IRAK1BP1: variants seen among roughly 807,000 people sequenced by gnomAD.
IRAK1BP1 encodes interleukin 1 receptor associated kinase 1 binding protein 1.
In IRAK1BP1, 24 loss-of-function variants were observed where a neutral mutation model predicts 28.0. The observed-to-expected ratio is 0.86, with a 90% confidence interval of 0.62 to 1.20. IRAK1BP1 has a LOEUF of 1.20. Ranked by LOEUF, IRAK1BP1 falls within the 50% of genes most tolerant of loss-of-function variation. The pLI is 0.00. For missense variants in IRAK1BP1, 336 were observed against 316.7 expected, an observed-to-expected ratio of 1.06 and a Z score of -0.46; for synonymous variants, 131 against 116.3, an observed-to-expected ratio of 1.13 and a Z score of -0.81.
Position 78,869,418 on chromosome 6 carries a change from A to G in IRAK1BP1, c.315+1527A>G, listed in dbSNP as rs142276768. 6.4e-4 allele frequency among the ~76,000 whole-genome samples: 98 copies of G among 152,252 alleles called. 1 individual carries two copies. In the South Asian group the frequency reaches 8.1e-3, roughly 13 times the overall value. ...TCCTGTAATCCCAGCTACTAGGGTG[A>G]CTGAGGCAGGAAAATCTCTTGAATC... On this transcript the variant is annotated intron_variant, in intron 1 of 3. Transcript: ENST00000369940.
At chr6:78,940,552 T>TTTTTA (rs1773442987) in intron 4 of IRAK1BP1, 1 of 164,106 alleles carries the variant, frequency 6.1e-6, no homozygotes. Flanking sequence ...AAGTTTGTTT[T>TTTTTA]TTTTTTTTTT....
Position 78,867,592 on chromosome 6 carries a change from A to AC in IRAK1BP1, c.20dup (p.Pro8SerfsTer13), listed in dbSNP as rs1444888631. Reference sequence around the variant, plus strand: ...TGCCATCGCTATGTCTCTGCAAAAGACCCCTCCGACCCGAGTGTTCGTGGA... The same window carrying AC: ...TGCCATCGCTATGTCTCTGCAAAAGACCCCCTCCGACCCGAGTGTTCGTGGA... On this transcript the variant is annotated frameshift_variant, in exon 1 of 4. Transcript: ENST00000369940. LOFTEE classifies it high-confidence loss of function. 1.2e-6 allele frequency: 2 copies of AC among 1,613,556 alleles called. No homozygotes were observed. Among genetic ancestry groups the AC allele is most frequent in the South Asian group, 1.1e-5 (1 of 91,052 alleles).
intron 1 of IRAK1BP1, among the ~76,000 whole-genome samples, chr6:78,875,210 T>C (rs1331825559): frequency 6.6e-6 from 1 of 151,998 alleles, no homozygotes; most frequent in Non-Finnish European, 1.5e-5. Context: ...AAGAATGGCT[T>C]TTATTAAAAA....
the IRAK1BP1 span, among the ~76,000 whole-genome samples, chr6:78,968,263 G>C: frequency 6.6e-6 from 1 of 152,178 alleles, no homozygotes; most frequent in African/African-American, 2.4e-5. Context: ...ACTACTTCTT[G>C]ACTTACAGAT....
At chr6:78,954,358 G>A in the IRAK1BP1 span, among the ~76,000 whole-genome samples, 4 of 151,682 alleles carry the variant, frequency 2.6e-5, no homozygotes, top group African/African-American at 4.8e-5. Context: ...TGCCTGCCTC[G>A]GCCTCCCAAA....
chr6:78,964,007 A>T, the IRAK1BP1 span, among the ~76,000 whole-genome samples: 1 of 152,316 alleles, frequency 6.6e-6, no homozygotes, highest in Admixed American at 6.5e-5. Context: ...CAAAACAGTG[A>T]ATCAGTATCA....
chr6:78,878,436 C>T (rs911959711), intron 1 of IRAK1BP1, among the ~76,000 whole-genome samples: 5 of 152,200 alleles, frequency 3.3e-5, no homozygotes, highest in African/African-American at 1.2e-4. Flanking sequence ...GCTAAGGGTC[C>T]TGACTGTTAG....
At chr6:78,945,744 C>T (rs1773778819) in exon 5 of IRAK1BP1, 4 of 601,220 alleles carry the variant, frequency 6.7e-6, no homozygotes, top group Non-Finnish European at 1.2e-5. Flanking sequence ...AAATTGCTAG[C>T]TAGTGTGGGT....
intron 4 of IRAK1BP1, among the ~76,000 whole-genome samples, chr6:78,909,890 AT>A (rs1303503939): frequency 4.6e-5 from 7 of 152,190 alleles, no homozygotes; most frequent in African/African-American, 1.4e-4. Context: ...TGTTATTTCT[AT>A]ATGTTGGATA....
intron 4 of IRAK1BP1, among the ~76,000 whole-genome samples, chr6:78,924,544 G>A (rs905979151): frequency 6.6e-6 from 1 of 152,226 alleles, no homozygotes; most frequent in East Asian, 1.9e-4. Flanking sequence ...AGAAAAAGAG[G>A]GAATCCTCCC....
At chr6:78,973,324 T>C in the IRAK1BP1 span, among the ~76,000 whole-genome samples, 1 of 150,368 alleles carries the variant, frequency 6.7e-6, no homozygotes. Flanking sequence ...GACAAGCAAA[T>C]GCTGAGAGAT....
downstream of IRAK1BP1, among the ~76,000 whole-genome samples, chr6:78,950,431 T>C (rs1774079168): frequency 1.3e-5 from 2 of 152,230 alleles, no homozygotes; most frequent in Non-Finnish European, 2.9e-5. Flanking sequence ...GTGTTAATTC[T>C]TTAAATGTTT....
the IRAK1BP1 span, chr6:78,970,238 C>A: frequency 7.1e-7 from 1 of 1,411,680 alleles, no homozygotes; most frequent in Non-Finnish European, 9.8e-7. Context: ...GACTGCTAAA[C>A]ATTGTTGAGA....
intron 1 of IRAK1BP1, among the ~76,000 whole-genome samples, chr6:78,877,299 A>G (rs79607544): frequency 4.3e-4 from 65 of 152,278 alleles, no homozygotes; most frequent in African/African-American, 1.4e-3. Context: ...CTTAGATTCT[A>G]TGTCCTCTGG....
intron 4 of IRAK1BP1, among the ~76,000 whole-genome samples, chr6:78,916,198 G>T (rs1323192621): frequency 1.3e-5 from 2 of 152,196 alleles, no homozygotes; most frequent in Admixed American, 1.3e-4. Context: ...GGCTTAGAAG[G>T]TTGGGTTTTT....
the IRAK1BP1 span, among the ~76,000 whole-genome samples, chr6:78,966,489 C>T: frequency 6.6e-6 from 1 of 152,262 alleles, no homozygotes; most frequent in African/African-American, 2.4e-5. Context: ...CAAGACTCCA[C>T]GCTAAAAACA....
At chr6:78,941,732 A>G (rs559329563) in intron 4 of IRAK1BP1, among the ~76,000 whole-genome samples, 2 of 152,288 alleles carry the variant, frequency 1.3e-5, no homozygotes, top group East Asian at 1.9e-4. Context: ...CAGGCTTTGA[A>G]AAGTCCTATC....
At chr6:78,964,186 T>C in the IRAK1BP1 span, among the ~76,000 whole-genome samples, 1 of 152,150 alleles carries the variant, frequency 6.6e-6, no homozygotes, top group Non-Finnish European at 1.5e-5. Context: ...ATTTAAGATA[T>C]TTTATAATTT....
intron 4 of IRAK1BP1, chr6:78,941,213 G>A: frequency 6.2e-7 from 1 of 1,613,812 alleles, no homozygotes; most frequent in Non-Finnish European, 8.5e-7. Flanking sequence ...ACCACTATTG[G>A]TATTAACTTC....
Sources: allele counts gnomAD v4.1 joint callset (sites outside exome capture counted in the v4.1 genomes callset), GRCh38; gene constraint gnomAD v4.1.1; transcripts MANE v1.5; gene names NCBI Gene and HGNC (gene_info 2026-07-23, HGNC 2026-07-21).